The following GRB10 variants were observed in gnomAD, a reference collection of about 807,000 sequenced individuals.
GRB10 encodes growth factor receptor-bound protein 10.
GRB10 carries 20 observed loss-of-function variants against 80.9 expected under a neutral mutation model. The observed-to-expected ratio is 0.25, with a 90% CI of 0.17 to 0.36. The LOEUF (loss-of-function observed/expected upper bound fraction) is 0.36, where lower values mean the gene tolerates loss of function less well. Among genes scored for constraint, GRB10 ranks in the 10% least tolerant of loss-of-function variants. GRB10 has a pLI of 1.00. For synonymous variants in GRB10, 291 were observed against 291.5 expected (o/e 1.00, Z 0.02); for missense variants, 548 against 747.7 (o/e 0.73, Z 3.12).
intron 5 of GRB10, among the ~76,000 whole-genome samples, chr7:50,702,049 C>T (rs145457769): frequency 1.2e-3 from 187 of 152,286 alleles, no homozygotes; most frequent in African/African-American, 4.4e-3. Context: ...TCCTGCCTCC[C>T]CCTCCCCACT....
intron 3 of GRB10, among the ~76,000 whole-genome samples, chr7:50,747,045 C>T (rs2073056107): frequency 6.6e-6 from 1 of 152,228 alleles, no homozygotes; most frequent in Non-Finnish European, 1.5e-5. Context: ...ATGTTCGAAA[C>T]CCGCTGCCTC....
At chr7:50,653,377 C>T (rs1183673300) in intron 7 of GRB10, among the ~76,000 whole-genome samples, 1 of 152,236 alleles carries the variant, frequency 6.6e-6, no homozygotes, top group Non-Finnish European at 1.5e-5. Flanking sequence ...TAATCTCCCA[C>T]AGCCTCCAGA....
intron 4 of GRB10, among the ~76,000 whole-genome samples, chr7:50,708,344 G>C (rs2065321141): frequency 6.6e-6 from 1 of 152,144 alleles, no homozygotes; most frequent in Non-Finnish European, 1.5e-5. Context: ...GAGAAGCCAA[G>C]AAAGATTTCA....
At chr7:50,687,780 G>C (rs2062283513) in intron 5 of GRB10, among the ~76,000 whole-genome samples, 1 of 151,624 alleles carries the variant, frequency 6.6e-6, no homozygotes, top group African/African-American at 2.4e-5. Flanking sequence ...ATGAGAAGTT[G>C]GTGCTTGGTG....
chr7:50,750,327 T>C (rs962131445), intron 3 of GRB10, among the ~76,000 whole-genome samples: 2 of 152,216 alleles, frequency 1.3e-5, no homozygotes, highest in Non-Finnish European at 2.9e-5. Flanking sequence ...TCACCACTCA[T>C]ATATAAAACC....
At chr7:50,602,894 T>C (rs563345042) in intron 17 of GRB10, among the ~76,000 whole-genome samples, 1 of 152,150 alleles carries the variant, frequency 6.6e-6, no homozygotes, top group Non-Finnish European at 1.5e-5. Context: ...AAATTTCCTT[T>C]AAAATAGAAG....
intron 18 of GRB10, 93 bp from the exon 19 acceptor site, chr7:50,593,191 G>T (rs1356897380): frequency 1.4e-6 from 2 of 1,430,594 alleles, no homozygotes; most frequent in African/African-American, 1.4e-5. Flanking sequence ...ATCTGCCCAT[G>T]ATTTGATTCC....
intron 5 of GRB10, among the ~76,000 whole-genome samples, chr7:50,684,485 G>A (rs963789808): frequency 1.3e-5 from 2 of 151,948 alleles, no homozygotes; most frequent in African/African-American, 2.4e-5. Context: ...CTTTTCCTTG[G>A]TTTCATCCTG....
chr7:50,595,215 G>C (rs767873440), intron 18 of GRB10, among the ~76,000 whole-genome samples: 3 of 152,128 alleles, frequency 2.0e-5, no homozygotes, highest in African/African-American at 7.2e-5. Context: ...CAGGCTCAAG[G>C]GGGGCCTCAA....
intron 2 of GRB10, among the ~76,000 whole-genome samples, chr7:50,773,300 T>C (rs1474873578): frequency 1.4e-5 from 2 of 146,600 alleles, no homozygotes; most frequent in African/African-American, 2.6e-5. Flanking sequence ...AGCCAAACGA[T>C]GTAACACCTA....
At chr7:50,662,694 T>G (rs1371378315) in intron 7 of GRB10, among the ~76,000 whole-genome samples, 1 of 152,284 alleles carries the variant, frequency 6.6e-6, no homozygotes. Flanking sequence ...CATATGAAAA[T>G]AGTCTCTCCC....
chr7:50,674,065 C>T (rs146938896), intron 6 of GRB10, among the ~76,000 whole-genome samples: 1 of 152,338 alleles, frequency 6.6e-6, no homozygotes, highest in African/African-American at 2.4e-5. Flanking sequence ...TAGCTGCTAG[C>T]CTCCCGTCCC....
In GRB10 at chr7:50,749,138, T is replaced by TTTTTG. The variant is rs1554295298; in HGVS notation, c.-47+6748_-47+6749insCAAAA. 4.3e-4 allele frequency among the ~76,000 whole-genome samples: 37 copies of TTTTTG among 86,074 alleles called. 2 individuals are homozygous for TTTTTG. In the South Asian group the frequency reaches 0.015, roughly 36 times the overall value. 56.5% of individuals were successfully genotyped at this position (86,074 alleles called of 152,430 possible). A position where few individuals can be genotyped will look rare whatever the true frequency, so the allele number is the denominator to read the frequency against. ...TTTTGTTTTGTTTTTTTGTTTGTTT[T>TTTTTG]TTTTTTTTGAGATGGAGTCTCACTC... On this transcript the variant is annotated intron_variant, in intron 3 of 18. Transcript: ENST00000401949.
intron 4 of GRB10, among the ~76,000 whole-genome samples, chr7:50,730,685 G>A (rs1028112733): frequency 2.3e-4 from 35 of 152,112 alleles, no homozygotes; most frequent in African/African-American, 3.4e-4. Flanking sequence ...CTGGGGCATC[G>A]GTGACTACAA....
chr7:50,733,426 C>T (rs771086453), intron 3 of GRB10, among the ~76,000 whole-genome samples: 2 of 152,178 alleles, frequency 1.3e-5, no homozygotes, highest in Non-Finnish European at 2.9e-5. Flanking sequence ...ATTCTCATCA[C>T]AGCTAAAAGG....
chr7:50,757,887 T>C (rs2075287362), intron 2 of GRB10, among the ~76,000 whole-genome samples: 1 of 152,250 alleles, frequency 6.6e-6, no homozygotes, highest in South Asian at 2.1e-4. Context: ...TCTTCAGGCA[T>C]GTGGCTTCAA....
At chr7:50,728,891 G>C (rs571083762) in intron 4 of GRB10, among the ~76,000 whole-genome samples, 1 of 152,052 alleles carries the variant, frequency 6.6e-6, no homozygotes, top group Non-Finnish European at 1.5e-5. Flanking sequence ...AGCTGGTCTC[G>C]AACTCCTGGC....
chr7:50,742,046 A>G (rs1289598383), intron 3 of GRB10, among the ~76,000 whole-genome samples: 1 of 152,128 alleles, frequency 6.6e-6, no homozygotes, highest in Non-Finnish European at 1.5e-5. Flanking sequence ...ATCTAAAGTA[A>G]AAACACTTAA....
At chr7:50,687,576 G>A (rs1004401) in intron 5 of GRB10, among the ~76,000 whole-genome samples, 117,634 of 152,186 alleles carry the variant, frequency 0.77, 45,884 homozygotes, top group East Asian at 0.91. Flanking sequence ...TCAACCCTGG[G>A]TGCAGCTCCA....
Sources: allele counts gnomAD v4.1 joint callset (sites outside exome capture counted in the v4.1 genomes callset), GRCh38; gene constraint gnomAD v4.1.1; transcripts MANE v1.5; gene names NCBI Gene and HGNC (gene_info 2026-07-23, HGNC 2026-07-21).